SLC26A5: variants seen among roughly 807,000 people sequenced by gnomAD.
The protein encoded by SLC26A5 is solute carrier family 26 member 5.
A neutral mutation model predicts 81.0 loss-of-function variants in SLC26A5; 51 were observed. The observed-to-expected ratio is 0.63, with a 90% CI of 0.50 to 0.80. The LOEUF (loss-of-function observed/expected upper bound fraction) is 0.80, where lower values mean the gene tolerates loss of function less well. Among genes scored for constraint, SLC26A5 ranks in the 30% least tolerant of loss-of-function variants. The pLI is 0.00. For synonymous variants in SLC26A5, 325 were observed against 332.8 expected, an observed-to-expected ratio of 0.98 and a Z score of 0.25; for missense variants, 771 against 905.8, an observed-to-expected ratio of 0.85 and a Z score of 1.91.
At chr7:103,436,098 A>AT (rs928437817) in intron 2 of SLC26A5, among the ~76,000 whole-genome samples, 7 of 151,720 alleles carry the variant, frequency 4.6e-5, no homozygotes, top group Non-Finnish European at 8.8e-5. Context: ...GAGTAATTTT[A>AT]TTTTTTTTGC....
At chr7:103,364,684 A>G (rs1328694096) in intron 19 of SLC26A5, among the ~76,000 whole-genome samples, 1 of 152,146 alleles carries the variant, frequency 6.6e-6, no homozygotes, top group Non-Finnish European at 1.5e-5. Context: ...CTGGTAGTAT[A>G]GGCAAGAACC....
chr7:103,441,386 T>G (rs1826868786), intron 2 of SLC26A5, among the ~76,000 whole-genome samples: 1 of 152,216 alleles, frequency 6.6e-6, no homozygotes. Context: ...AGAAGAATTT[T>G]CCAAGTGTGA....
intron 19 of SLC26A5, among the ~76,000 whole-genome samples, chr7:103,356,095 T>C (rs1820016929): frequency 6.6e-6 from 1 of 152,130 alleles, no homozygotes; most frequent in African/African-American, 2.4e-5. Context: ...CTGAAATAGT[T>C]TGGCCCTCGT....
intron 8 of SLC26A5, among the ~76,000 whole-genome samples, chr7:103,405,262 T>C (rs1461704668): frequency 1.3e-5 from 2 of 152,048 alleles, no homozygotes; most frequent in Non-Finnish European, 2.9e-5. Flanking sequence ...GGAGAAGAGG[T>C]GTTCTGGCTT....
At position 103,374,403 on chromosome 7, in the gene SLC26A5, G is replaced by A. The variant is rs1429796491; in HGVS notation, c.2231C>T (p.Ala744Val). The A allele has an allele frequency of 6.2e-7, 1 of 1,612,176 alleles. No individual in the cohort carries two copies. Among genetic ancestry groups the A allele is most frequent in the African/African-American group, 1.3e-5 (1 of 74,834 alleles). Residue 744 changes from alanine to valine, a missense_variant, in exon 20 of 20, where the codon GCA becomes GTA. By Grantham distance (64) the Ala-to-Val change is moderately conservative. Coordinates refer to ENST00000306312, the MANE Select transcript of SLC26A5 (RefSeq NM_198999.3). ...ATCCTAGGGTGAGGTCCTCATCTAT[G>A]CCTCAGGAGTGGCAGGAGTGGCATT... is the stretch of plus-strand genomic sequence containing the variant. ...EPNATPATPE[A>V]
At chr7:103,444,361 A>G (rs1035414255) in intron 1 of SLC26A5, among the ~76,000 whole-genome samples, 3 of 152,202 alleles carry the variant, frequency 2.0e-5, no homozygotes, top group Admixed American at 1.3e-4. Context: ...AAACTGTTTC[A>G]CTTGGGTTAC....
chr7:103,390,924 G>A (rs1822591885), intron 11 of SLC26A5, among the ~76,000 whole-genome samples: 1 of 149,772 alleles, frequency 6.7e-6, no homozygotes, highest in African/African-American at 2.5e-5. Flanking sequence ...GGAGTGCAGT[G>A]GCGCGACCCT....
chr7:103,423,398 G>A (rs1200355670), intron 2 of SLC26A5, among the ~76,000 whole-genome samples: 1 of 152,146 alleles, frequency 6.6e-6, no homozygotes, highest in South Asian at 2.1e-4. Flanking sequence ...AATTCTGGCA[G>A]CAAATGCAAC....
chr7:103,395,525 T>TATATAAA (rs1823036891), intron 9 of SLC26A5, among the ~76,000 whole-genome samples: 3 of 14,476 alleles, frequency 2.1e-4, no homozygotes, highest in Non-Finnish European at 4.0e-4. Flanking sequence ...ATATATAAAT[T>TATATAAA]TTTTTTTTTT....
chr7:103,413,688 G>T (rs1392191279), intron 4 of SLC26A5, among the ~76,000 whole-genome samples: 1 of 152,154 alleles, frequency 6.6e-6, no homozygotes, highest in African/African-American at 2.4e-5. Context: ...CAATGGGAAA[G>T]CTTGACATTT....
intron 7 of SLC26A5, among the ~76,000 whole-genome samples, chr7:103,408,726 C>T (rs1824257410): frequency 6.6e-6 from 1 of 152,112 alleles, no homozygotes; most frequent in African/African-American, 2.4e-5. Context: ...GTTAGCAGGA[C>T]TTTGAAGTCA....
chr7:103,397,838 T>C (rs1411828494), intron 9 of SLC26A5, 94 bp downstream of exon 9: 4 of 958,366 alleles, frequency 4.2e-6, no homozygotes, highest in African/African-American at 1.6e-5. Flanking sequence ...AGAAAAAAGA[T>C]TATTTTTCAT....
intron 19 of SLC26A5, chr7:103,368,950 G>C (rs1005396979): frequency 3.3e-5 from 5 of 152,050 alleles, no homozygotes; most frequent in Non-Finnish European, 5.9e-5. Context: ...ATTACCTCCT[G>C]TGTAACCACC....
At chr7:103,414,726 C>T (rs777325212) in intron 4 of SLC26A5, among the ~76,000 whole-genome samples, 4 of 152,172 alleles carry the variant, frequency 2.6e-5, no homozygotes, top group Non-Finnish European at 5.9e-5. Context: ...TATAAACATC[C>T]ATGTGCAGGT....
intron 4 of SLC26A5, among the ~76,000 whole-genome samples, chr7:103,419,157 C>T (rs1407754070): frequency 1.3e-5 from 2 of 152,168 alleles, no homozygotes; most frequent in Non-Finnish European, 2.9e-5. Context: ...CCTCCCCAGC[C>T]ACATGGAACT....
downstream of SLC26A5, among the ~76,000 whole-genome samples, chr7:103,373,994 G>C (rs1245161755): frequency 2.6e-5 from 4 of 152,118 alleles, no homozygotes; most frequent in African/African-American, 9.7e-5. Context: ...TTAGATAACT[G>C]ATTATAGACA....
chr7:103,396,341 TGAAA>T (rs1823108783), intron 9 of SLC26A5, among the ~76,000 whole-genome samples: 1 of 151,980 alleles, frequency 6.6e-6, no homozygotes, highest in Admixed American at 6.6e-5. Flanking sequence ...CCAAAAGAAC[TGAAA>T]GAAAGGTCTC....
intron 14 of SLC26A5, among the ~76,000 whole-genome samples, chr7:103,383,654 A>C (rs13362833): frequency 0.016 from 2,498 of 152,218 alleles, 64 homozygotes; most frequent in African/African-American, 0.058. Flanking sequence ...GTCTTTAAAA[A>C]TTTATTTTTG....
intron 2 of SLC26A5, among the ~76,000 whole-genome samples, chr7:103,442,363 C>T (rs1173551078): frequency 6.6e-6 from 1 of 152,108 alleles, no homozygotes; most frequent in Middle Eastern, 3.2e-3. Flanking sequence ...GTCTCGAACT[C>T]CTGGCCTCAA....
Sources: allele counts gnomAD v4.1 joint callset (sites outside exome capture counted in the v4.1 genomes callset), GRCh38; gene constraint gnomAD v4.1.1; transcripts MANE v1.5; gene names NCBI Gene and HGNC (gene_info 2026-07-23, HGNC 2026-07-21).